Variants in CSTPP1 observed in about 807,000 individuals in gnomAD.
CSTPP1 encodes UPF0705 protein C11orf49.
At chr11:46,997,615 G>C in the CSTPP1 span, among the ~76,000 whole-genome samples, 370 of 152,278 alleles carry the variant, frequency 2.4e-3, 1 homozygote, top group African/African-American at 8.1e-3. Flanking sequence ...GAGGATCTGC[G>C]TTTCTTTGGA....
the CSTPP1 span, among the ~76,000 whole-genome samples, chr11:46,993,889 T>C: frequency 6.6e-6 from 1 of 152,214 alleles, no homozygotes; most frequent in African/African-American, 2.4e-5. Flanking sequence ...TTTCACGATA[T>C]TGATTCTTCC....
the CSTPP1 span, among the ~76,000 whole-genome samples, chr11:47,056,987 C>T: frequency 1.3e-5 from 2 of 152,266 alleles, no homozygotes; most frequent in African/African-American, 4.8e-5. Flanking sequence ...AATGAAGCCA[C>T]CTGTAGAACT....
At chr11:47,070,623 G>A in the CSTPP1 span, among the ~76,000 whole-genome samples, 1 of 152,132 alleles carries the variant, frequency 6.6e-6, no homozygotes, top group Non-Finnish European at 1.5e-5. Flanking sequence ...AAATACTGTT[G>A]CCTAGGTCCC....
chr11:47,034,641 C>T, the CSTPP1 span, among the ~76,000 whole-genome samples: 1 of 151,984 alleles, frequency 6.6e-6, no homozygotes, highest in Non-Finnish European at 1.5e-5. Context: ...GCTGGGACTA[C>T]AGGCTTGTGC....
the CSTPP1 span, among the ~76,000 whole-genome samples, chr11:46,947,530 T>G: frequency 6.6e-6 from 1 of 152,230 alleles, no homozygotes. Context: ...CAAATGTATT[T>G]TTTTCATGGA....
chr11:47,036,533 G>T, the CSTPP1 span, among the ~76,000 whole-genome samples: 105 of 122,536 alleles, frequency 8.6e-4, 8 homozygotes, highest in African/African-American at 2.5e-3. Flanking sequence ...AAGCAAATAA[G>T]TAAATATGTT....
the CSTPP1 span, among the ~76,000 whole-genome samples, chr11:47,120,656 A>G: frequency 6.6e-6 from 1 of 152,384 alleles, no homozygotes; most frequent in East Asian, 1.9e-4. This position sits in a 1 kb window ranked among gnomAD's most constrained non-coding sequence, Gnocchi z 4.2. Flanking sequence ...TGGCAGATCC[A>G]TGATTCAAAG....
At chr11:47,056,136 T>C in the CSTPP1 span, among the ~76,000 whole-genome samples, 2 of 152,328 alleles carry the variant, frequency 1.3e-5, no homozygotes, top group East Asian at 3.9e-4. Flanking sequence ...ATTAGTCCTG[T>C]GGAACTCTCA....
the CSTPP1 span, among the ~76,000 whole-genome samples, chr11:47,023,714 C>G: frequency 1.1e-4 from 17 of 152,092 alleles, no homozygotes; most frequent in Non-Finnish European, 2.1e-4. Flanking sequence ...CAATATTTGT[C>G]TTTTTTGATT....
At chr11:46,964,620 G>A in the CSTPP1 span, among the ~76,000 whole-genome samples, 1 of 152,132 alleles carries the variant, frequency 6.6e-6, no homozygotes, top group East Asian at 1.9e-4. Flanking sequence ...CCTTAATACG[G>A]ACTGTTTTGT....
At chr11:47,047,726 A>G in the CSTPP1 span, among the ~76,000 whole-genome samples, 1 of 152,254 alleles carries the variant, frequency 6.6e-6, no homozygotes, top group Admixed American at 6.5e-5. Flanking sequence ...TGAAAGGACA[A>G]CCTACACAAT....
At chr11:47,141,975 T>C in the CSTPP1 span, among the ~76,000 whole-genome samples, 2 of 144,458 alleles carry the variant, frequency 1.4e-5, no homozygotes, top group Non-Finnish European at 3.0e-5. Context: ...CCAGGTGCAG[T>C]GGCTTACGCC....
At chr11:47,139,298 C>A in the CSTPP1 span, among the ~76,000 whole-genome samples, 7 of 152,128 alleles carry the variant, frequency 4.6e-5, no homozygotes, top group Admixed American at 4.6e-4. Flanking sequence ...CCCACACACA[C>A]CCCTAGAGGA....
the CSTPP1 span, among the ~76,000 whole-genome samples, chr11:47,063,325 A>C: frequency 6.6e-6 from 1 of 152,270 alleles, no homozygotes; most frequent in African/African-American, 2.4e-5. Flanking sequence ...TGGCAATAAA[A>C]CCTATATAAC....
the CSTPP1 span, chr11:47,164,293 G>T: frequency 6.3e-7 from 1 of 1,576,572 alleles, no homozygotes; most frequent in Non-Finnish European, 8.6e-7. Flanking sequence ...GGATCCAGAG[G>T]ACACTGCTTC....
At chr11:47,157,121 C>T in the CSTPP1 span, 1 of 1,614,132 alleles carries the variant, frequency 6.2e-7, no homozygotes, top group Non-Finnish European at 8.5e-7. Context: ...GCAGCACCGC[C>T]AACGACCTGC....
At chr11:46,939,842 C>G in the CSTPP1 span, among the ~76,000 whole-genome samples, 1 of 152,028 alleles carries the variant, frequency 6.6e-6, no homozygotes, top group South Asian at 2.1e-4. Context: ...TTTAATACAT[C>G]TTGAAGTAAT....
chr11:46,949,669 C>CCT, the CSTPP1 span, among the ~76,000 whole-genome samples: 1 of 142,056 alleles, frequency 7.0e-6, no homozygotes, highest in Non-Finnish European at 1.5e-5. Context: ...GAGAAAATAA[C>CCT]TTTTTTTTTT....
chr11:47,079,145 T>C, the CSTPP1 span, among the ~76,000 whole-genome samples: 1 of 152,178 alleles, frequency 6.6e-6, no homozygotes, highest in Admixed American at 6.5e-5. Flanking sequence ...TCGGAGGTCT[T>C]GTGGGGGATC....
Sources: gnomAD v4.1 joint callset for allele counts (sites outside exome capture counted in the v4.1 genomes callset) on GRCh38, gnomAD v4.1.1 for gene constraint, Gnocchi (gnomAD v3.1) non-coding constraint, MANE v1.5 for transcripts, NCBI Gene and HGNC (gene_info 2026-07-23, HGNC 2026-07-21) for gene names.